SKOR1: variants seen among roughly 807,000 people sequenced by gnomAD.
The protein encoded by SKOR1 is LBX1 corepressor 1.
In SKOR1, 38 loss-of-function variants were observed where a neutral mutation model predicts 72.4. The observed-to-expected ratio is 0.52, with a 90% CI of 0.40 to 0.69. SKOR1 has a LOEUF of 0.69. SKOR1 is among the 30% of genes least tolerant of loss of function. The pLI is 0.00. For missense variants in SKOR1, 1,320 were observed against 1,343.2 expected, an observed-to-expected ratio of 0.98 and a Z score of 0.27; for synonymous variants, 642 against 599.4, an observed-to-expected ratio of 1.07 and a Z score of -1.04.
Position 67,830,272 on chromosome 15 carries a change from A to G in SKOR1, c.2489A>G (p.Gln830Arg). Residue 830 changes from glutamine (Q) to arginine (R), a missense_variant, in exon 4 of 9, where the codon CAG becomes CGG. This residue lies in a region of SKOR1 where 1,099 missense variants were observed against 1,025.5 expected (regional missense o/e 1.07). Transcript: ENST00000380035. ...KSYPDQRSIS[Q>R]PSPANTDRGE... is the part of the protein sequence containing the mutation. ...TATCCAGACCAAAGGAGTATCTCCC[A>G]GCCAAGTCCTGCAAATACAGACAGA... The G allele has an allele frequency of 6.2e-7, 1 of 1,614,210 alleles. No individual in the cohort carries two copies. The highest frequency in any genetic ancestry group is 8.5e-7 in the Non-Finnish European group (1 of 1,180,022).
In SKOR1 at chr15:67,827,278, G is replaced by C. The variant is rs745728879; in HGVS notation, c.1450G>C (p.Val484Leu). 1.3e-6 allele frequency: 2 copies of C among 1,582,112 alleles called. No individual in the cohort carries two copies. Among genetic ancestry groups the C allele is most frequent in the South Asian group, 2.2e-5 (2 of 89,160 alleles). The change falls in exon 2 of 9, where the codon GTG (valine) becomes CTG (leucine). Residue 484 changes from valine (V) to leucine (L), a missense_variant. By Grantham distance (32) the Val-to-Leu change is conservative (BLOSUM62 1). This residue lies in a region of SKOR1 where 1,099 missense variants were observed against 1,025.5 expected (regional missense o/e 1.07). Transcript: ENST00000380035. ...GGCTGCAGCGGCCGCCGCCGCCACT[G>C]TGTACCCGACGTTTCCCATGTTCTG... ...AVAAAAAAAT[V>L]YPTFPMFWPA...
intron 5 of SKOR1, among the ~76,000 whole-genome samples, chr15:67,831,923 C>T (rs559509852): frequency 7.3e-5 from 1 of 13,650 alleles, no homozygotes; most frequent in Non-Finnish European, 1.3e-4. Flanking sequence ...AGGTCGGGGC[C>T]GGGGCGGGGG....
chr15:67,826,087 A>G lies in SKOR1; in HGVS notation c.259A>G (p.Ile87Val). Reference protein sequence around the residue: ...VGETSLYGVPIVSLVIDGQER... With the variant: ...VGETSLYGVPVVSLVIDGQER... ...CGAGACGTCGCTGTACGGGGTGCCC[A>G]TTGTGTCGCTGGTCATCGACGGCCA... Residue 87 changes from isoleucine (I) to valine (V), a missense_variant, in exon 2 of 9, where the codon ATT (isoleucine) becomes GTT (valine). Transcript: ENST00000380035. 1 of 1,600,002 alleles carries G rather than the reference A, an allele frequency of 6.2e-7. No individual in the cohort carries two copies. The highest frequency in any genetic ancestry group is 8.5e-7 in the Non-Finnish European group (1 of 1,170,482).
rs1400777205 is a variant in SKOR1 at position 67,827,680 on chromosome 15, G to A, written c.1852G>A (p.Ala618Thr). ...CGGGAGCGCCCGGGAGGCGTACGGC[G>A]CGGGGCCTGCTCGGGGGCCGGGACC... ...LYGSAREAYG[A>T]GPARGPGPGA... The change falls in exon 2 of 9, where the codon GCG becomes ACG. Residue 618 changes from alanine to threonine, a missense_variant. Coordinates refer to ENST00000380035, the MANE Select transcript of SKOR1 (RefSeq NM_001365915.1). The A allele has an allele frequency of 6.5e-7, 1 of 1,535,230 alleles. No homozygotes were observed. The highest frequency in any genetic ancestry group is 8.8e-7 in the Non-Finnish European group (1 of 1,142,050).
rs750549689 is a variant in SKOR1 at position 67,826,144 on chromosome 15, A to T, written c.316A>T (p.Thr106Ser). The change falls in exon 2 of 9, where the codon ACC becomes TCC. Residue 106 changes from threonine (T) to serine (S), a missense_variant. By Grantham distance (58) the Thr-to-Ser change is moderately conservative. This residue lies in a region of SKOR1 where 101 missense variants were observed against 212.8 expected (regional missense o/e 0.47). Coordinates refer to ENST00000380035, the MANE Select transcript of SKOR1 (RefSeq NM_001365915.1). ...ERLCLAQISN[T>S]LLKNYSYNEI... ...CCTATGCCTGGCGCAGATCTCCAAC[A>T]CCCTCCTCAAGAACTACAGCTATAA... is the stretch of plus-strand genomic sequence containing the variant. The T allele has an allele frequency of 6.2e-7, 1 of 1,607,078 alleles. No individual in the cohort carries two copies. Among genetic ancestry groups the T allele is most frequent in the East Asian group, 2.2e-5 (1 of 44,632 alleles).
chr15:67,825,778 G>A lies in SKOR1; in HGVS notation c.107+69G>A, dbSNP rs1262563444. The A allele has an allele frequency of 1.2e-5, 16 of 1,388,082 alleles. No individual in the cohort carries two copies. Among genetic ancestry groups the A allele is most frequent in the African/African-American group, 2.9e-5 (2 of 69,922 alleles). 86.0% of individuals were successfully genotyped at this position (1,388,082 alleles called of 1,614,324 possible). A position where few individuals can be genotyped will look rare whatever the true frequency, so the allele number is the denominator to read the frequency against. ...GTTAACGGCGCCAACATGGGTCTGA[G>A]TAACAAAAGACGCCTGTCCAGGGGG... On this transcript the variant is annotated intron_variant, in intron 1 of 8. Coordinates refer to ENST00000380035, the MANE Select transcript of SKOR1 (RefSeq NM_001365915.1). This position sits in a 1 kb window ranked among gnomAD's most constrained non-coding sequence, Gnocchi z 5.6.
In SKOR1 at chr15:67,833,994, C is replaced by CCCGCCCCCTCCCGGGCGTCCCTGT; in HGVS notation, c.*161_*184dup. On this transcript the variant is annotated 3_prime_UTR_variant, in exon 9 of 9. Coordinates refer to ENST00000380035, the MANE Select transcript of SKOR1 (RefSeq NM_001365915.1). This position sits in a 1 kb window ranked among gnomAD's most constrained non-coding sequence, Gnocchi z 6.0. ...CTTCCTCCCGGGCTCCCCGGCCTTGCCCGCCCCCTCCCGGGCGTCCCTGTC... is the reference window on the plus strand; with the variant it reads ...CTTCCTCCCGGGCTCCCCGGCCTTGCCCGCCCCCTCCCGGGCGTCCCTGTCCGCCCCCTCCCGGGCGTCCCTGTC... 2 of 780,166 alleles carry CCCGCCCCCTCCCGGGCGTCCCTGT rather than the reference C, an allele frequency of 2.6e-6. No individual in the cohort carries two copies. The highest frequency in any genetic ancestry group is 4.3e-6 in the Non-Finnish European group (2 of 470,350). The allele number at this position is 780,166 out of a possible 1,614,324, so 48.3% of individuals were successfully genotyped here.
In SKOR1 at chr15:67,833,987, G is replaced by T. The variant is rs1022046876; in HGVS notation, c.*151G>T. On this transcript the variant is annotated 3_prime_UTR_variant, in exon 9 of 9. Transcript: ENST00000380035. This position sits in a 1 kb window ranked among gnomAD's most constrained non-coding sequence, Gnocchi z 6.0. ...CGCCCGCCTTCCTCCCGGGCTCCCCGGCCTTGCCCGCCCCCTCCCGGGCGT... is the reference window on the plus strand; with the variant it reads ...CGCCCGCCTTCCTCCCGGGCTCCCCTGCCTTGCCCGCCCCCTCCCGGGCGT... The T allele has an allele frequency of 1.2e-6, 1 of 852,256 alleles. No homozygotes were observed. Among genetic ancestry groups the T allele is most frequent in the African/African-American group, 1.7e-5 (1 of 59,790 alleles). 52.8% of individuals were successfully genotyped at this position (852,256 alleles called of 1,614,324 possible). A position where few individuals can be genotyped will look rare whatever the true frequency, so the allele number is the denominator to read the frequency against.
At position 67,826,450 on chromosome 15, in the gene SKOR1, A is replaced by G. The variant is rs2090958948; in HGVS notation, c.622A>G (p.Ile208Val). 1.2e-6 allele frequency: 2 copies of G among 1,614,000 alleles called. No homozygotes were observed. The highest frequency in any genetic ancestry group is 1.7e-5 in the Admixed American group (1 of 60,008). Reference protein sequence around the residue: ...ARYNSSRAKCIKCGYCSMYFS... With the variant: ...ARYNSSRAKCVKCGYCSMYFS... ...TTACAACAGCTCTCGTGCCAAGTGCATCAAGTGCGGCTACTGCAGCATGTA... is the reference window on the plus strand; with the variant it reads ...TTACAACAGCTCTCGTGCCAAGTGCGTCAAGTGCGGCTACTGCAGCATGTA... Residue 208 changes from isoleucine to valine, a missense_variant, in exon 2 of 9, where the codon ATC becomes GTC. Coordinates refer to ENST00000380035, the MANE Select transcript of SKOR1 (RefSeq NM_001365915.1).
Position 67,826,563 on chromosome 15 carries a change from G to T in SKOR1, c.735G>T (p.Trp245Cys). Residue 245 changes from tryptophan (W) to cysteine (C), a missense_variant, in exon 2 of 9, where the codon TGG (tryptophan) becomes TGT (cysteine). Physicochemically the swap from Trp to Cys is radical, Grantham distance 215. Coordinates refer to ENST00000380035, the MANE Select transcript of SKOR1 (RefSeq NM_001365915.1). ...TQPDAANFNS[W>C]RRHLKLSDKS... ...CCGATGCCGCCAACTTCAACTCCTG[G>T]CGTCGTCACCTCAAACTCAGTGACA... is the stretch of plus-strand genomic sequence containing the variant. The T allele has an allele frequency of 6.2e-7, 1 of 1,614,018 alleles. No homozygotes were observed. The highest frequency in any genetic ancestry group is 8.5e-7 in the Non-Finnish European group (1 of 1,179,952).
At chr15:67,828,203 GC>G in intron 2 of SKOR1, 59 bp downstream of exon 2, 3 of 1,369,448 alleles carry the variant, frequency 2.2e-6, no homozygotes, top group Non-Finnish European at 2.8e-6. Flanking sequence ...GCGCGGCAGG[GC>G]TGCGGGGCCG....
rs1344494273 is a variant in SKOR1 at position 67,832,836 on chromosome 15, G to C, written c.2737+155G>C. 13 of 665,036 alleles carry C rather than the reference G, an allele frequency of 2.0e-5. No individual in the cohort carries two copies. The highest frequency in any genetic ancestry group is 1.4e-4 in the South Asian group (7 of 51,650). 41.2% of individuals were successfully genotyped at this position (665,036 alleles called of 1,614,324 possible). On this transcript the variant is annotated intron_variant, in intron 7 of 8. Transcript: ENST00000380035. The surrounding 1 kb of genome is among the most constrained non-coding windows in gnomAD (Gnocchi z 4.5). The stretch of plus-strand genomic sequence containing the variant: ...GCTTTGTATACTCTGATTAGCCTCA[G>C]AATGGCAAGCGAGCCCAGCAAACGG...
rs1471023609 is a variant in SKOR1 at position 67,828,037 on chromosome 15, G to T, written c.2209G>T (p.Ala737Ser). 7 of 1,539,298 alleles carry T rather than the reference G, an allele frequency of 4.5e-6. No individual in the cohort carries two copies. The highest frequency in any genetic ancestry group is 2.0e-5 in the Admixed American group (1 of 50,508). ...PAGRPAFGDL[A>S]AEDLVRRPER... ...TGGCCGGCCCGCATTTGGGGACTTG[G>T]CAGCCGAAGACTTGGTGCGGAGACC... Residue 737 changes from alanine (A) to serine (S), a missense_variant, in exon 2 of 9, where the codon GCA (alanine) becomes TCA (serine). This residue lies in a region of SKOR1 where 1,099 missense variants were observed against 1,025.5 expected (regional missense o/e 1.07). Coordinates refer to ENST00000380035, the MANE Select transcript of SKOR1 (RefSeq NM_001365915.1).
Position 67,829,260 on chromosome 15 carries a change from G to A in SKOR1, c.2398G>A (p.Glu800Lys). 1 of 1,553,434 alleles carries A rather than the reference G, an allele frequency of 6.4e-7. No homozygotes were observed. Among genetic ancestry groups the A allele is most frequent in the Non-Finnish European group, 8.6e-7 (1 of 1,156,652 alleles). The change falls in exon 3 of 9, where the codon GAG (glutamate) becomes AAG (lysine). Residue 800 changes from glutamate to lysine, a missense_variant. Around this residue, in one of 3 missense-constraint regions of SKOR1, gnomAD observed 1,099 missense variants for 1,025.5 expected, o/e 1.07. Transcript: ENST00000380035. ...CGCGGCCTCCTACGTCTGCACCCCC[G>A]AGGCCCACGGTAACGCCTGTCGCGG... Reference protein sequence around the residue: ...GPAASYVCTPEAHEPDKEDNH... With the variant: ...GPAASYVCTPKAHEPDKEDNH...
Position 67,828,024 on chromosome 15 carries a change from A to C in SKOR1, c.2196A>C (p.Ala732=). 6.5e-7 allele frequency: 1 copy of C among 1,539,580 alleles called. No individual in the cohort carries two copies. Among genetic ancestry groups the C allele is most frequent in the Non-Finnish European group, 8.7e-7 (1 of 1,144,848 alleles). Residue 732 remains alanine (A), a synonymous_variant, in exon 2 of 9, where the codon GCA becomes GCC. Coordinates refer to ENST00000380035, the MANE Select transcript of SKOR1 (RefSeq NM_001365915.1). ...GGCCACCCCCAGCTGGCCGGCCCGC[A>C]TTTGGGGACTTGGCAGCCGAAGACT... ...RLGPPPAGRP[A]FGDLAAEDLV...
At chr15:67,828,633 G>T (rs1231795024) in intron 2 of SKOR1, among the ~76,000 whole-genome samples, 1 of 152,082 alleles carries the variant, frequency 6.6e-6, no homozygotes, top group Admixed American at 6.5e-5. Context: ...GCAGTTTTCC[G>T]AGTCTCTTCG....
At chr15:67,831,905 G>GGA (rs1555409445) in intron 5 of SKOR1, among the ~76,000 whole-genome samples, 5 of 139,248 alleles carry the variant, frequency 3.6e-5, no homozygotes, top group African/African-American at 1.4e-4. Flanking sequence ...CGGCGGTGCG[G>GGA]GGGGGGGAGG....
Position 67,825,774 on chromosome 15 carries a change from C to A in SKOR1, c.107+65C>A. 1 of 1,339,492 alleles carries A rather than the reference C, an allele frequency of 7.5e-7. No homozygotes were observed. Among genetic ancestry groups the A allele is most frequent in the Non-Finnish European group, 1.1e-6 (1 of 950,270 alleles). 83.0% of individuals were successfully genotyped at this position (1,339,492 alleles called of 1,614,324 possible). On this transcript the variant is annotated intron_variant, in intron 1 of 8. Transcript: ENST00000380035. This position sits in a 1 kb window ranked among gnomAD's most constrained non-coding sequence, Gnocchi z 5.6. ...TGTTGTTAACGGCGCCAACATGGGT[C>A]TGAGTAACAAAAGACGCCTGTCCAG...
rs1469472361 is a variant in SKOR1, at chr15:67,829,249, T to A, written c.2387T>A (p.Val796Asp). 6.4e-7 allele frequency: 1 copy of A among 1,564,786 alleles called. No homozygotes were observed. Among genetic ancestry groups the A allele is most frequent in the Non-Finnish European group, 8.6e-7 (1 of 1,162,880 alleles). Residue 796 changes from valine (V) to aspartate (D), a missense_variant, in exon 3 of 9, where the codon GTC (valine) becomes GAC (aspartate). Physicochemically the swap from Val to Asp is radical, Grantham distance 152 (BLOSUM62 -3). Around this residue, in one of 3 missense-constraint regions of SKOR1, gnomAD observed 1,099 missense variants for 1,025.5 expected, o/e 1.07. Transcript: ENST00000380035. ...AVALGPAASY[V>D]CTPEAHEPDK... ...GCGCTGGGGCCCGCGGCCTCCTACGTCTGCACCCCCGAGGCCCACGGTAAC... is the reference window on the plus strand; with the variant it reads ...GCGCTGGGGCCCGCGGCCTCCTACGACTGCACCCCCGAGGCCCACGGTAAC...
Sources: gnomAD v4.1 joint callset for allele counts (sites outside exome capture counted in the v4.1 genomes callset) on GRCh38, gnomAD v4.1.1 for gene constraint, gnomAD v4.1.1 regional missense constraint, Gnocchi (gnomAD v3.1) non-coding constraint, MANE v1.5 for transcripts, NCBI Gene and HGNC (gene_info 2026-07-23, HGNC 2026-07-21) for gene names.